Variants in SMARCA2 observed in about 807,000 individuals in gnomAD.
SMARCA2 encodes SWI/SNF related BAF chromatin remodeling complex subunit ATPase 2.
SMARCA2 carries 61 observed loss-of-function variants against 199.8 expected under a neutral mutation model. The ratio of observed to expected loss-of-function variants is 0.31; its 90% CI spans 0.25 to 0.38. The LOEUF is 0.38. SMARCA2 is among the 10% of genes least tolerant of loss of function. SMARCA2 has a pLI of 1.00. For synonymous variants in SMARCA2, 935 were observed against 732.0 expected (o/e 1.28, Z -4.48); for missense variants, 1,344 against 2,012.2 (o/e 0.67, Z 6.35).
chr9:2,167,109 T>G (rs1323729201), intron 28 of SMARCA2, among the ~76,000 whole-genome samples: 1 of 152,240 alleles, frequency 6.6e-6, no homozygotes, highest in African/African-American at 2.4e-5. Context: ...TTATCTCTAG[T>G]GTTCTGATTC....
chr9:2,120,341 G>A (rs1200126314), intron 26 of SMARCA2, among the ~76,000 whole-genome samples: 3 of 152,150 alleles, frequency 2.0e-5, no homozygotes, highest in Non-Finnish European at 2.9e-5. Context: ...GGCAGAGGTA[G>A]GTGTACTGGA....
In SMARCA2 at chr9:2,060,994, T is replaced by C. The variant is rs374183458; in HGVS notation, c.1692+8T>C. The C allele has an allele frequency of 7.2e-5, 116 of 1,612,150 alleles. No individual in the cohort carries two copies. Among genetic ancestry groups the C allele is most frequent in the Non-Finnish European group, 8.6e-5 (101 of 1,179,252 alleles). On this transcript the variant is annotated splice_region_variant and intron_variant, in intron 9 of 33. Transcript: ENST00000349721. ...AGGAGGAGGAGGAAGAAGGTGCGTA[T>C]CCTAGTGGTGGTGGCTGAGTCCAGG...
At chr9:2,114,155 G>T (rs1408378139) in intron 24 of SMARCA2, among the ~76,000 whole-genome samples, 1 of 152,164 alleles carries the variant, frequency 6.6e-6, no homozygotes, top group Admixed American at 6.5e-5. Flanking sequence ...TGAACTAAAA[G>T]CTTAAAAAGG....
At position 2,097,296 on chromosome 9, in the gene SMARCA2, T is replaced by A. The variant is rs562750370; in HGVS notation, c.2992-89T>A. On this transcript the variant is annotated intron_variant, in intron 20 of 33. Coordinates refer to ENST00000349721, the MANE Select transcript of SMARCA2 (RefSeq NM_003070.5). ...GACTGAAAAAACCTATGGTCCTTTG[T>A]CCTTTGTATAAGAAGCCCAGTGTGA... 1.1e-4 allele frequency: 87 copies of A among 821,092 alleles called. 1 individual carries two copies. The highest frequency in any genetic ancestry group is 1.7e-4 in the Non-Finnish European group (86 of 495,382). 50.9% of individuals were successfully genotyped at this position (821,092 alleles called of 1,614,324 possible). A position where few individuals can be genotyped will look rare whatever the true frequency, so the allele number is the denominator to read the frequency against.
chr9:2,094,230 T>C (rs1403807492), intron 19 of SMARCA2, among the ~76,000 whole-genome samples: 2 of 152,208 alleles, frequency 1.3e-5, no homozygotes, highest in African/African-American at 4.8e-5. Flanking sequence ...TTTTTGATCC[T>C]GTGTATTAAA....
chr9:2,055,579 G>A (rs1201875996), intron 6 of SMARCA2: 1 of 152,224 alleles, frequency 6.6e-6, no homozygotes, highest in South Asian at 2.1e-4. Flanking sequence ...GTTTGTTGGA[G>A]GATGTGACTA....
At chr9:2,155,364 C>G (rs989639569) in intron 27 of SMARCA2, among the ~76,000 whole-genome samples, 21 of 151,982 alleles carry the variant, frequency 1.4e-4, no homozygotes, top group African/African-American at 5.1e-4. Context: ...CTCACTGCAG[C>G]CTCCGCCTCC....
intron 4 of SMARCA2, chr9:2,041,581 T>A: frequency 2.5e-6 from 1 of 394,688 alleles, no homozygotes; most frequent in African/African-American, 2.1e-5. Flanking sequence ...TTTTAACATA[T>A]GAATTTTGAG....
chr9:2,090,907 G>A (rs957955560), intron 19 of SMARCA2, among the ~76,000 whole-genome samples: 1 of 151,784 alleles, frequency 6.6e-6, no homozygotes, highest in Non-Finnish European at 1.5e-5. Flanking sequence ...CCATCCTAGG[G>A]GGTAAAGAAG....
intron 1 of SMARCA2, among the ~76,000 whole-genome samples, chr9:2,028,658 C>G (rs1563715991): frequency 6.6e-6 from 1 of 152,190 alleles, no homozygotes; most frequent in Non-Finnish European, 1.5e-5. Flanking sequence ...TGGAGAGCAT[C>G]TGTTGACTTC....
intron 14 of SMARCA2, among the ~76,000 whole-genome samples, chr9:2,078,472 CAA>C (rs55839415): frequency 7.3e-6 from 1 of 136,812 alleles, no homozygotes. Flanking sequence ...ACTCCATCTA[CAA>C]AAAAAAAAAG....
rs1404259532 is a variant in SMARCA2 at position 2,169,593 on chromosome 9, G to A, written c.4200-826G>A. ...CCACACTGACTCTAGAGCAGAATGG[G>A]GCAGTGACTCCGAGAAGGGATTTAT... On this transcript the variant is annotated intron_variant, in intron 28 of 33. Coordinates refer to ENST00000349721, the MANE Select transcript of SMARCA2 (RefSeq NM_003070.5). This position sits in a 1 kb window ranked among gnomAD's most constrained non-coding sequence, Gnocchi z 6.5. Among the ~76,000 whole-genome samples the A allele has an allele frequency of 2.0e-5, 3 of 152,086 alleles. No homozygotes were observed. The highest frequency in any genetic ancestry group is 2.9e-5 in the Non-Finnish European group (2 of 68,012).
At chr9:2,018,739 G>C (rs1004269219) in intron 1 of SMARCA2, among the ~76,000 whole-genome samples, 4 of 152,194 alleles carry the variant, frequency 2.6e-5, no homozygotes, top group South Asian at 2.1e-4. Context: ...AGAAACCATT[G>C]AGAACCCTAA....
chr9:2,061,353 A>G (rs535993119), intron 9 of SMARCA2, among the ~76,000 whole-genome samples: 3 of 152,360 alleles, frequency 2.0e-5, no homozygotes, highest in African/African-American at 7.2e-5. Flanking sequence ...AATGAAATTT[A>G]AGAAGAAAAT....
intron 29 of SMARCA2, among the ~76,000 whole-genome samples, chr9:2,179,456 A>C (rs927688650): frequency 1.1e-4 from 17 of 152,096 alleles, no homozygotes; most frequent in African/African-American, 4.1e-4. Context: ...AAATGTGTTT[A>C]TTTCTCATTT....
chr9:2,114,363 C>A (rs1047273795), intron 24 of SMARCA2, among the ~76,000 whole-genome samples: 1 of 152,072 alleles, frequency 6.6e-6, no homozygotes, highest in Non-Finnish European at 1.5e-5. Flanking sequence ...TTTAAAGGTC[C>A]CTGCAGCAAA....
At position 2,086,509 on chromosome 9, in the gene SMARCA2, G is replaced by C. The variant is rs1178280416; in HGVS notation, c.2527-320G>C. 6.6e-6 allele frequency among the ~76,000 whole-genome samples: 1 copy of C among 152,092 alleles called. No homozygotes were observed. The highest frequency in any genetic ancestry group is 6.6e-5 in the Admixed American group (1 of 15,266). On this transcript the variant is annotated intron_variant, in intron 17 of 33. Coordinates refer to ENST00000349721, the MANE Select transcript of SMARCA2 (RefSeq NM_003070.5). The surrounding 1 kb of genome is among the most constrained non-coding windows in gnomAD (Gnocchi z 4.3). ...TCATGATAACGTATTAATAGAAGGG[G>C]CATTGGATGGGGAGAGGCAGGATCC...
intron 1 of SMARCA2, among the ~76,000 whole-genome samples, chr9:2,020,300 G>A (rs1399128228): frequency 6.6e-6 from 1 of 151,620 alleles, no homozygotes; most frequent in Admixed American, 6.6e-5. Context: ...AGATGTCTTT[G>A]GCCAATAGAG....
intron 27 of SMARCA2, among the ~76,000 whole-genome samples, chr9:2,151,881 T>G (rs926690612): frequency 4.6e-5 from 7 of 152,158 alleles, no homozygotes; most frequent in African/African-American, 1.7e-4. Context: ...AATTGAGTAT[T>G]TTACTTTAGT....
Sources: allele counts gnomAD v4.1 joint callset (sites outside exome capture counted in the v4.1 genomes callset), GRCh38; gene constraint gnomAD v4.1.1; non-coding constraint Gnocchi (gnomAD v3.1); transcripts MANE v1.5; gene names NCBI Gene and HGNC (gene_info 2026-07-23, HGNC 2026-07-21).